RP1: variants seen among roughly 807,000 people sequenced by gnomAD.
RP1 encodes the protein oxygen-regulated protein 1.
RP1 carries 16 observed loss-of-function variants against 14.8 expected under a neutral mutation model. That is an observed-to-expected ratio of 1.08 (90% confidence interval 0.73 to 1.65). The LOEUF is 1.65. Ranked by LOEUF, RP1 falls within the 40% of genes most tolerant of loss-of-function variation. The probability of loss-of-function intolerance (pLI) is 0.00; values close to 1 mark genes in which losing one functional copy is unlikely to be tolerated. For synonymous variants in RP1, 876 were observed against 883.6 expected (o/e 0.99, Z 0.15); for missense variants, 2,631 against 2,535.0 (o/e 1.04, Z -0.81).
chr8:54,763,498 T>C (rs1057437711), intron 22 of RP1, among the ~76,000 whole-genome samples: 2 of 152,124 alleles, frequency 1.3e-5, no homozygotes, highest in African/African-American at 4.8e-5. Context: ...ATGACCAACA[T>C]GGAGAAACCA....
intron 24 of RP1, among the ~76,000 whole-genome samples, chr8:54,828,314 G>C (rs977855257): frequency 6.6e-6 from 1 of 152,182 alleles, no homozygotes; most frequent in Non-Finnish European, 1.5e-5. Context: ...GGTTGGAGAT[G>C]GGGCCTGTGA....
chr8:54,820,772 G>A (rs1811236905), intron 24 of RP1, among the ~76,000 whole-genome samples: 1 of 152,158 alleles, frequency 6.6e-6, no homozygotes, highest in Admixed American at 6.5e-5. Context: ...TTATGATGGT[G>A]TTTTCTTGTG....
At chr8:54,855,909 T>C (rs1020666187) in intron 26 of RP1, among the ~76,000 whole-genome samples, 5 of 150,218 alleles carry the variant, frequency 3.3e-5, no homozygotes, top group Admixed American at 2.0e-4. Flanking sequence ...TTAGTATAAG[T>C]ATTTTTAGGA....
At chr8:54,871,054 C>A (rs1392410970) in exon 29 of RP1, 1 of 152,072 alleles carries the variant, frequency 6.6e-6, no homozygotes, top group Non-Finnish European at 1.5e-5. Context: ...TGCAATAGTA[C>A]CTGTACTAGT....
chr8:54,836,154 T>C (rs1382642822), intron 24 of RP1, among the ~76,000 whole-genome samples: 3 of 152,182 alleles, frequency 2.0e-5, no homozygotes, highest in Non-Finnish European at 4.4e-5. Flanking sequence ...GTAGCAGGTC[T>C]GGATAACGGG....
chr8:54,750,735 C>G (rs1263239311), intron 19 of RP1, among the ~76,000 whole-genome samples: 1 of 81,258 alleles, frequency 1.2e-5, no homozygotes, highest in Non-Finnish European at 2.5e-5. Context: ...CCAATCAGTG[C>G]TCTGTACCTA....
chr8:54,584,953 C>T (rs574887630), intron 1 of RP1, among the ~76,000 whole-genome samples: 13 of 152,258 alleles, frequency 8.5e-5, no homozygotes, highest in Middle Eastern at 6.8e-3. Flanking sequence ...ACTCTTTATC[C>T]AATTTGCCAG....
At chr8:54,788,855 G>A (rs1344895706) in intron 24 of RP1, among the ~76,000 whole-genome samples, 2 of 152,152 alleles carry the variant, frequency 1.3e-5, no homozygotes, top group African/African-American at 4.8e-5. Flanking sequence ...AGAGAAGAGT[G>A]CCTTTGTGAA....
intron 21 of RP1, among the ~76,000 whole-genome samples, chr8:54,758,655 C>G (rs1369704982): frequency 1.3e-5 from 2 of 152,078 alleles, no homozygotes; most frequent in Admixed American, 1.3e-4. Flanking sequence ...GTTGGGATTT[C>G]TTTGTTTGTT....
chr8:54,595,832 A>T (rs1448646850), intron 1 of RP1, among the ~76,000 whole-genome samples: 1 of 152,232 alleles, frequency 6.6e-6, no homozygotes, highest in African/African-American at 2.4e-5. Flanking sequence ...TTATAAAAGA[A>T]AATATATGCT....
Position 54,783,606 on chromosome 8 carries a change from A to G in RP1, c.3511A>G (p.Thr1171Ala), listed in dbSNP as rs1325799514. ...TCTTGAAAATGCCGGCACCACGGCA[A>G]CAGTGTTCCTTTATGTCTATGGAGA... Residue 1171 changes from threonine to alanine, a missense_variant, in exon 24 of 29, where the codon ACA (threonine) becomes GCA (alanine). Transcript: ENST00000637698. 3.2e-6 allele frequency: 4 copies of G among 1,231,530 alleles called. No individual in the cohort carries two copies. In the African/African-American group the frequency reaches 6.2e-5, roughly 19 times the overall value. The allele number at this position is 1,231,530 out of a possible 1,614,324, so 76.3% of individuals were successfully genotyped here. A position where few individuals can be genotyped will look rare whatever the true frequency, so the allele number is the denominator to read the frequency against.
intron 4 of RP1, among the ~76,000 whole-genome samples, chr8:54,652,375 T>C (rs1413421065): frequency 6.6e-6 from 1 of 152,210 alleles, no homozygotes; most frequent in Non-Finnish European, 1.5e-5. Flanking sequence ...TTTCAAGCCT[T>C]GTTTTGTTGC....
chr8:54,603,274 G>C (rs1243950607), intron 1 of RP1, among the ~76,000 whole-genome samples: 2 of 151,798 alleles, frequency 1.3e-5, no homozygotes, highest in East Asian at 3.9e-4. Context: ...AGTTTTCCCA[G>C]CACCATTTAT....
At chr8:54,732,210 A>G (rs1808810356) in intron 17 of RP1, among the ~76,000 whole-genome samples, 1 of 152,156 alleles carries the variant, frequency 6.6e-6, no homozygotes. Context: ...TTTCTGCGAA[A>G]TTCTGAGCCA....
intron 1 of RP1, among the ~76,000 whole-genome samples, chr8:54,573,249 A>T (rs956459246): frequency 6.6e-6 from 1 of 152,168 alleles, no homozygotes; most frequent in South Asian, 2.1e-4. Context: ...TGATGCACAG[A>T]CTTTATTTTC....
intron 16 of RP1, among the ~76,000 whole-genome samples, chr8:54,726,174 ATAAGAAGTCATTTTCTGT>A (rs1808650061): frequency 6.6e-6 from 1 of 152,196 alleles, no homozygotes; most frequent in African/African-American, 2.4e-5. Flanking sequence ...GCTGGTAAGA[ATAAGAAGTCATTTTCTGT>A]TAACTATGTA....
chr8:54,787,043 G>A (rs1026234383), intron 24 of RP1, among the ~76,000 whole-genome samples: 2 of 152,140 alleles, frequency 1.3e-5, no homozygotes, highest in African/African-American at 4.8e-5. Flanking sequence ...CCTTGAAGAG[G>A]AACTTGGTTG....
intron 14 of RP1, among the ~76,000 whole-genome samples, chr8:54,706,157 T>C (rs577881117): frequency 6.6e-6 from 1 of 152,346 alleles, no homozygotes; most frequent in Admixed American, 6.5e-5. Flanking sequence ...TTTAAGGTGA[T>C]AGTAAATTCC....
chr8:54,590,207 A>G (rs1220363848), intron 1 of RP1, among the ~76,000 whole-genome samples: 5 of 152,092 alleles, frequency 3.3e-5, no homozygotes, highest in African/African-American at 1.2e-4. Context: ...CAAAAATACA[A>G]CTTAGTATCA....
Sources: gnomAD v4.1 joint callset for allele counts (sites outside exome capture counted in the v4.1 genomes callset) on GRCh38, gnomAD v4.1.1 for gene constraint, MANE v1.5 for transcripts, NCBI Gene and HGNC (gene_info 2026-07-23, HGNC 2026-07-21) for gene names.